NRBF2: variants seen among roughly 807,000 people sequenced by gnomAD.
The protein encoded by NRBF2 is nuclear receptor-binding factor 2.
A neutral mutation model predicts 28.5 loss-of-function variants in NRBF2; 12 were observed. The observed-to-expected ratio is 0.42, with a 90% CI of 0.27 to 0.68. The LOEUF is 0.68. NRBF2 is among the 30% of genes least tolerant of loss of function. The probability of loss-of-function intolerance (pLI) is 0.24; values close to 1 mark genes in which losing one functional copy is unlikely to be tolerated. For missense variants in NRBF2, 274 were observed against 333.5 expected (o/e 0.82, Z 1.39); for synonymous variants, 102 against 116.5 (o/e 0.88, Z 0.80).
chr10:63,148,602 TC>T (rs1245581647), intron 2 of NRBF2, among the ~76,000 whole-genome samples: 1 of 152,210 alleles, frequency 6.6e-6, no homozygotes, highest in African/African-American at 2.4e-5. Flanking sequence ...CTGTCAAAGA[TC>T]AGAGGAGATT....
At chr10:63,153,146 C>G (rs950547496) in intron 3 of NRBF2, among the ~76,000 whole-genome samples, 7 of 152,202 alleles carry the variant, frequency 4.6e-5, no homozygotes, top group Non-Finnish European at 1.0e-4. Flanking sequence ...CTATCCCTTT[C>G]ACTGCCTTTG....
intron 1 of NRBF2, among the ~76,000 whole-genome samples, chr10:63,137,104 G>T: frequency 6.6e-6 from 1 of 152,092 alleles, no homozygotes; most frequent in Non-Finnish European, 1.5e-5. Context: ...CACAATAGCT[G>T]GGACTACAGG....
At position 63,154,182 on chromosome 10, in the gene NRBF2, C is replaced by G; in HGVS notation, c.828C>G (p.Leu276=). ...FPSPELPLME[L]SEDILKGFMN... ...CTCCAGAACTTCCTCTTATGGAGCT[C>G]TCTGAGGATATTCTGAAAGGATTTA... is the stretch of plus-strand genomic sequence containing the variant. Residue 276 remains leucine, a synonymous_variant, in exon 4 of 4, where the codon CTC becomes CTG. Coordinates refer to ENST00000277746, the MANE Select transcript of NRBF2 (RefSeq NM_030759.5). 1 of 1,601,450 alleles carries G rather than the reference C, an allele frequency of 6.2e-7. No homozygotes were observed. Among genetic ancestry groups the G allele is most frequent in the Non-Finnish European group, 8.5e-7 (1 of 1,171,800 alleles).
intron 2 of NRBF2, among the ~76,000 whole-genome samples, chr10:63,149,678 A>G (rs1386702650): frequency 1.3e-5 from 2 of 152,194 alleles, no homozygotes; most frequent in Admixed American, 6.5e-5. Flanking sequence ...TGACAGTATG[A>G]TTCTTGTTGA....
intron 3 of NRBF2, among the ~76,000 whole-genome samples, chr10:63,152,667 G>A (rs904703772): frequency 6.6e-6 from 1 of 152,188 alleles, no homozygotes; most frequent in Non-Finnish European, 1.5e-5. Flanking sequence ...ATTGTCTTCT[G>A]TGTTTGGGGA....
chr10:63,150,534 C>T (rs1482074978), intron 2 of NRBF2, among the ~76,000 whole-genome samples: 1 of 152,098 alleles, frequency 6.6e-6, no homozygotes, highest in African/African-American at 2.4e-5. Context: ...CTGCGCCTGG[C>T]TCCAACTCTT....
chr10:63,148,892 T>C (rs1841604124), intron 2 of NRBF2, among the ~76,000 whole-genome samples: 1 of 152,220 alleles, frequency 6.6e-6, no homozygotes, highest in African/African-American at 2.4e-5. Flanking sequence ...TGGCAGTGCT[T>C]AGAACTCAAA....
chr10:63,137,839 A>G (rs79841829), intron 1 of NRBF2, among the ~76,000 whole-genome samples: 2,701 of 152,348 alleles, frequency 0.018, 32 homozygotes, highest in Non-Finnish European at 0.028. Flanking sequence ...TGAGCTAGGC[A>G]TAATGAAAGC....
chr10:63,143,698 C>T (rs574219680), intron 1 of NRBF2, among the ~76,000 whole-genome samples: 7 of 151,946 alleles, frequency 4.6e-5, no homozygotes, highest in African/African-American at 9.7e-5. Context: ...ATGATCCACC[C>T]GCCTTGGCCT....
At chr10:63,142,312 T>G (rs529603623) in intron 1 of NRBF2, among the ~76,000 whole-genome samples, 3 of 146,444 alleles carry the variant, frequency 2.0e-5, no homozygotes, top group Non-Finnish European at 3.0e-5. Context: ...GTTTTTTTTG[T>G]TTTTTTTTGA....
At chr10:63,150,776 C>T (rs909500761) in intron 2 of NRBF2, among the ~76,000 whole-genome samples, 3 of 152,162 alleles carry the variant, frequency 2.0e-5, no homozygotes, top group Non-Finnish European at 2.9e-5. Flanking sequence ...GCTTGTTTTC[C>T]TGCAGCTAGA....
chr10:63,143,558 A>C (rs577978275), intron 1 of NRBF2, among the ~76,000 whole-genome samples: 1 of 151,696 alleles, frequency 6.6e-6, no homozygotes, highest in East Asian at 1.9e-4. Flanking sequence ...CCCGGGTTGA[A>C]GCGGCGATTC....
Position 63,153,521 on chromosome 10 carries a change from C to T in NRBF2, c.167C>T (p.Ser56Leu), listed in dbSNP as rs755497389. The change falls in exon 4 of 4, where the codon TCA becomes TTA. Residue 56 changes from serine to leucine, a missense_variant. Physicochemically the swap from Ser to Leu is moderately radical, Grantham distance 145. Coordinates refer to ENST00000277746, the MANE Select transcript of NRBF2 (RefSeq NM_030759.5). Reference sequence around the variant, plus strand: ...CCTTCTATGTAATAGGCTCATCTTTCACTGGAATTGCAAAGGGATAGCCAT... The same window carrying T: ...CCTTCTATGTAATAGGCTCATCTTTTACTGGAATTGCAAAGGGATAGCCAT... ...KLTQSEQAHLSLELQRDSHMK... is the reference protein window; with the variant it reads ...KLTQSEQAHLLLELQRDSHMK... 7.5e-6 allele frequency: 12 copies of T among 1,603,148 alleles called. No homozygotes were observed. The highest frequency in any genetic ancestry group is 1.0e-5 in the Non-Finnish European group (12 of 1,175,804).
chr10:63,144,901 T>A (rs1841535394), intron 1 of NRBF2, among the ~76,000 whole-genome samples: 1 of 152,168 alleles, frequency 6.6e-6, no homozygotes, highest in East Asian at 1.9e-4. Context: ...CTAAATCGTG[T>A]GTGTTTGTTA....
intron 1 of NRBF2, among the ~76,000 whole-genome samples, chr10:63,138,743 C>CA (rs894650031): frequency 0.026 from 3,074 of 117,464 alleles, 252 homozygotes; most frequent in Admixed American, 0.18. Flanking sequence ...GACTCTGTCT[C>CA]AAAAAAAAAA....
rs1206791993 is a variant in NRBF2, at chr10:63,153,948, A to T, written c.594A>T (p.Gln198His). ...ENERLRKENK[Q>H]LKAEKARLLK... ...AAAGATTAAGGAAAGAAAATAAACA[A>T]CTAAAGGCTGAAAAGGCCAGACTTC... Residue 198 changes from glutamine (Q) to histidine (H), a missense_variant, in exon 4 of 4, where the codon CAA (glutamine) becomes CAT (histidine). Gln to His is a conservative substitution (Grantham distance 24). Coordinates refer to ENST00000277746, the MANE Select transcript of NRBF2 (RefSeq NM_030759.5). 1 of 1,611,806 alleles carries T rather than the reference A, an allele frequency of 6.2e-7. No homozygotes were observed. Among genetic ancestry groups the T allele is most frequent in the African/African-American group, 1.3e-5 (1 of 74,824 alleles).
At chr10:63,144,011 G>T (rs1841519115) in intron 1 of NRBF2, among the ~76,000 whole-genome samples, 2 of 151,990 alleles carry the variant, frequency 1.3e-5, no homozygotes, top group African/African-American at 4.8e-5. Flanking sequence ...GCCTGCTTTG[G>T]CCTCCTAAAG....
intron 2 of NRBF2, among the ~76,000 whole-genome samples, chr10:63,150,869 T>C (rs1048737498): frequency 3.3e-5 from 5 of 152,164 alleles, no homozygotes; most frequent in Non-Finnish European, 5.9e-5. Flanking sequence ...CTAGATCCCT[T>C]GCTTGTGCAG....
At chr10:63,138,948 G>T (rs952824841) in intron 1 of NRBF2, among the ~76,000 whole-genome samples, 2 of 152,126 alleles carry the variant, frequency 1.3e-5, no homozygotes, top group Admixed American at 6.6e-5. Context: ...ATAAGGTCAG[G>T]TGTATGTTAG....
Sources: allele counts gnomAD v4.1 joint callset (sites outside exome capture counted in the v4.1 genomes callset), GRCh38; gene constraint gnomAD v4.1.1; transcripts MANE v1.5; gene names NCBI Gene and HGNC (gene_info 2026-07-23, HGNC 2026-07-21).